Variants in EDIL3 observed in about 807,000 individuals in gnomAD.
EDIL3 encodes EGF-like repeat and discoidin I-like domain-containing protein 3.
Under a neutral mutation model 67.4 loss-of-function variants are expected in EDIL3, and 37 were observed. That is an observed-to-expected ratio of 0.55 (90% confidence interval 0.42 to 0.72). The LOEUF is 0.72. Among genes scored for constraint, EDIL3 ranks in the 30% least tolerant of loss-of-function variants. EDIL3 has a pLI of 0.00. For synonymous variants in EDIL3, 195 were observed against 196.3 expected, an observed-to-expected ratio of 0.99 and a Z score of 0.05; for missense variants, 527 against 586.3, an observed-to-expected ratio of 0.90 and a Z score of 1.04.
At chr5:83,999,159 AC>A (rs1427649528) in intron 9 of EDIL3, among the ~76,000 whole-genome samples, 1 of 152,040 alleles carries the variant, frequency 6.6e-6, no homozygotes, top group Non-Finnish European at 1.5e-5. Flanking sequence ...TAATTGGAAA[AC>A]CTTCCTAAGA....
intron 1 of EDIL3, among the ~76,000 whole-genome samples, chr5:84,343,936 G>A (rs989080087): frequency 6.6e-6 from 1 of 152,102 alleles, no homozygotes; most frequent in Non-Finnish European, 1.5e-5. Context: ...TTCAGGTTGA[G>A]TTCCCATTAG....
chr5:84,109,242 A>G (rs188831365), intron 5 of EDIL3, among the ~76,000 whole-genome samples: 146 of 152,332 alleles, frequency 9.6e-4, no homozygotes, highest in African/African-American at 3.4e-3. Flanking sequence ...GCAGTGGCTC[A>G]TGTCTGTAAT....
chr5:83,992,219 C>T (rs1745162452), intron 9 of EDIL3, among the ~76,000 whole-genome samples: 1 of 152,142 alleles, frequency 6.6e-6, no homozygotes. Context: ...GACAGTGTAA[C>T]TCTATTGTAG....
intron 4 of EDIL3, among the ~76,000 whole-genome samples, chr5:84,177,865 T>A (rs1748948593): frequency 6.6e-6 from 1 of 152,202 alleles, no homozygotes; most frequent in South Asian, 2.1e-4. Flanking sequence ...CTATTAACTA[T>A]ATATTTGTCA....
rs547519789 is a variant in EDIL3, at chr5:84,341,513, T to C, written c.67+42795A>G. The stretch of plus-strand genomic sequence containing the variant: ...ACACAAAAAGACGTGTTCCTAATCT[T>C]TCTATAAGGTTTTGTTAAATATTTC... On this transcript the variant is annotated intron_variant, in intron 1 of 10. Coordinates refer to ENST00000296591, the MANE Select transcript of EDIL3 (RefSeq NM_005711.5). Among the ~76,000 whole-genome samples, 183 of 152,260 alleles carry C rather than the reference T, an allele frequency of 1.2e-3. 1 individual carries two copies. Among genetic ancestry groups the C allele is most frequent in the African/African-American group, 4.2e-3 (176 of 41,558 alleles).
intron 8 of EDIL3, among the ~76,000 whole-genome samples, chr5:84,060,693 G>T (rs1746526521): frequency 6.6e-6 from 1 of 152,130 alleles, no homozygotes; most frequent in Non-Finnish European, 1.5e-5. Flanking sequence ...TATTTTGTCT[G>T]AATATATTTT....
chr5:83,971,736 C>G (rs923645001), intron 9 of EDIL3, among the ~76,000 whole-genome samples: 1 of 151,800 alleles, frequency 6.6e-6, no homozygotes, highest in Non-Finnish European at 1.5e-5. Context: ...TGTCACATGC[C>G]AGTCATATAA....
At chr5:84,084,225 T>A (rs1449835494) in intron 6 of EDIL3, among the ~76,000 whole-genome samples, 1 of 152,160 alleles carries the variant, frequency 6.6e-6, no homozygotes, top group African/African-American at 2.4e-5. Context: ...AGTTAGGAAA[T>A]CTTTTAAAAA....
chr5:84,074,436 C>T (rs1389318754), intron 6 of EDIL3, among the ~76,000 whole-genome samples: 5 of 152,142 alleles, frequency 3.3e-5, no homozygotes, highest in Admixed American at 6.5e-5. Flanking sequence ...AGAAAATTTT[C>T]TCAACCTACT....
chr5:84,063,582 A>G (rs894525376), intron 8 of EDIL3, among the ~76,000 whole-genome samples: 7 of 152,288 alleles, frequency 4.6e-5, no homozygotes, highest in African/African-American at 1.7e-4. Flanking sequence ...TGGCTATTTA[A>G]TAGTAAATTT....
At chr5:84,155,937 T>C (rs529004821) in intron 4 of EDIL3, among the ~76,000 whole-genome samples, 205 of 152,310 alleles carry the variant, frequency 1.3e-3, no homozygotes, top group Non-Finnish European at 2.2e-3. Context: ...AAAGACTAGA[T>C]TGACTTGTAT....
At chr5:84,119,511 C>T (rs1289415686) in intron 5 of EDIL3, among the ~76,000 whole-genome samples, 2 of 151,684 alleles carry the variant, frequency 1.3e-5, no homozygotes, top group Non-Finnish European at 2.9e-5. Flanking sequence ...GAAATGATTC[C>T]CCACAGTTTA....
chr5:84,221,421 A>T (rs1202100673), intron 3 of EDIL3, among the ~76,000 whole-genome samples: 1 of 152,162 alleles, frequency 6.6e-6, no homozygotes, highest in Admixed American at 6.5e-5. Context: ...GCCTACTGGC[A>T]CCATGATCCT....
At chr5:84,217,538 T>C (rs947061402) in intron 3 of EDIL3, among the ~76,000 whole-genome samples, 5 of 152,138 alleles carry the variant, frequency 3.3e-5, no homozygotes, top group Non-Finnish European at 5.9e-5. Flanking sequence ...ATCCAGTGAA[T>C]TGAAAGCCTT....
intron 1 of EDIL3, among the ~76,000 whole-genome samples, chr5:84,356,172 GAAAC>G (rs751281548): frequency 1.3e-5 from 2 of 151,984 alleles, no homozygotes; most frequent in Non-Finnish European, 2.9e-5. Context: ...AACAGCAAAA[GAAAC>G]AAACCTTTGG....
At chr5:84,008,691 A>G (rs1046937341) in intron 9 of EDIL3, among the ~76,000 whole-genome samples, 1 of 152,248 alleles carries the variant, frequency 6.6e-6, no homozygotes, top group Admixed American at 6.5e-5. Context: ...TTTCACAGAA[A>G]TGATGGGATA....
At chr5:84,008,084 T>C (rs186163628) in intron 9 of EDIL3, among the ~76,000 whole-genome samples, 438 of 152,120 alleles carry the variant, frequency 2.9e-3, no homozygotes, top group South Asian at 0.016. Context: ...ACTAAAACAA[T>C]TGGACTCCTG....
chr5:84,320,517 G>C (rs1314157972), intron 1 of EDIL3, among the ~76,000 whole-genome samples: 3 of 151,834 alleles, frequency 2.0e-5, no homozygotes, highest in Admixed American at 2.0e-4. Flanking sequence ...AATACAATCT[G>C]GTCAGCAGGC....
rs548448812 is a variant in EDIL3 at position 84,360,895 on chromosome 5, C to CA, written c.67+23412dup. Among the ~76,000 whole-genome samples the CA allele has an allele frequency of 3.3e-3, 508 of 151,926 alleles. 3 individuals are homozygous for CA. Among genetic ancestry groups the CA allele is most frequent in the African/African-American group, 0.012 (489 of 41,444 alleles). On this transcript the variant is annotated intron_variant, in intron 1 of 10. Transcript: ENST00000296591. The stretch of plus-strand genomic sequence containing the variant: ...GTGTTTAATTATCTTACAAAATAAC[C>CA]AAAAAATGTTTTCAAAGAATGTCTT...
Sources: gnomAD v4.1 joint callset for allele counts (sites outside exome capture counted in the v4.1 genomes callset) on GRCh38, gnomAD v4.1.1 for gene constraint, MANE v1.5 for transcripts, NCBI Gene and HGNC (gene_info 2026-07-23, HGNC 2026-07-21) for gene names.